Variants in LDLRAD4 observed in about 807,000 individuals in gnomAD.
The protein encoded by LDLRAD4 is low density lipoprotein receptor class A domain containing 4, also known as low-density lipoprotein receptor class A domain-containing protein 4.
In LDLRAD4, 5 loss-of-function variants were observed where a neutral mutation model predicts 17.0. The observed-to-expected ratio is 0.29, with a 90% confidence interval of 0.15 to 0.62. The LOEUF (loss-of-function observed/expected upper bound fraction) is 0.62, where lower values mean the gene tolerates loss of function less well. LDLRAD4 is among the 20% of genes least tolerant of loss of function. The pLI, the probability that LDLRAD4 is intolerant of heterozygous loss-of-function variation, is 0.84. For synonymous variants in LDLRAD4, 168 were observed against 171.8 expected, an observed-to-expected ratio of 0.98 and a Z score of 0.17; for missense variants, 340 against 424.7, an observed-to-expected ratio of 0.80 and a Z score of 1.75.
intron 1 of LDLRAD4, among the ~76,000 whole-genome samples, chr18:13,285,336 G>A (rs1268880185): frequency 1.3e-5 from 2 of 152,178 alleles, no homozygotes; most frequent in African/African-American, 2.4e-5. Context: ...CATTTGGCTT[G>A]GGGCAGTCAC....
Position 13,645,409 on chromosome 18 carries a change from A to G in LDLRAD4, c.673A>G (p.Ser225Gly), listed in dbSNP as rs2042967904. Reference sequence around the variant, plus strand: ...TGATTTAATAGACATTGCTATGTATAGCGGGGGTCCATGCCCACCCAGCAG... The same window carrying G: ...TGATTTAATAGACATTGCTATGTATGGCGGGGGTCCATGCCCACCCAGCAG... Residue 225 changes from serine to glycine, a missense_variant, in exon 6 of 6, where the codon AGC (serine) becomes GGC (glycine). Physicochemically the swap from Ser to Gly is moderately conservative, Grantham distance 56 (BLOSUM62 0). Transcript: ENST00000359446. The surrounding 1 kb of genome is among the most constrained non-coding windows in gnomAD (Gnocchi z 5.7). 3.7e-6 allele frequency: 6 copies of G among 1,614,214 alleles called. No individual in the cohort carries two copies. In the South Asian group the frequency reaches 5.5e-5, roughly 15 times the overall value.
At chr18:13,234,425 TCCCTG>T (rs2042235454) in intron 1 of LDLRAD4, among the ~76,000 whole-genome samples, 2 of 128,226 alleles carry the variant, frequency 1.6e-5, no homozygotes, top group African/African-American at 5.8e-5. Context: ...CGTCTTCTTG[TCCCTG>T]TCCTGGCCCA....
intron 2 of LDLRAD4, among the ~76,000 whole-genome samples, chr18:13,406,385 A>G (rs1158345241): frequency 6.6e-6 from 1 of 152,150 alleles, no homozygotes; most frequent in Non-Finnish European, 1.5e-5. Flanking sequence ...TGGGACCTCT[A>G]TATGTCAGGA....
chr18:13,606,224 G>A (rs896453203), intron 3 of LDLRAD4, among the ~76,000 whole-genome samples: 3 of 152,132 alleles, frequency 2.0e-5, no homozygotes, highest in African/African-American at 7.2e-5. Flanking sequence ...GGCTTGGAAG[G>A]GTAGCTGCAA....
intron 1 of LDLRAD4, among the ~76,000 whole-genome samples, chr18:13,323,847 T>G (rs760584092): frequency 6.6e-6 from 1 of 152,076 alleles, no homozygotes; most frequent in Non-Finnish European, 1.5e-5. Flanking sequence ...AGAGTTATCA[T>G]CTGAGGTCAG....
At chr18:13,356,616 T>C (rs191668029) in intron 1 of LDLRAD4, among the ~76,000 whole-genome samples, 72 of 152,300 alleles carry the variant, frequency 4.7e-4, no homozygotes, top group Admixed American at 1.3e-3. Flanking sequence ...GTTTAGTGAA[T>C]TATTTTAGAC....
chr18:13,379,603 G>T (rs1205494013), intron 1 of LDLRAD4, among the ~76,000 whole-genome samples: 1 of 152,172 alleles, frequency 6.6e-6, no homozygotes, highest in Non-Finnish European at 1.5e-5. Context: ...CCAGAGTAAT[G>T]ACCCCACAAA....
intron 1 of LDLRAD4, among the ~76,000 whole-genome samples, chr18:13,340,113 G>C (rs7244281): frequency 0.03 from 4,545 of 152,148 alleles, 250 homozygotes; most frequent in African/African-American, 0.1. Flanking sequence ...TCCTTTTTAA[G>C]GCTGAATGAA....
At chr18:13,264,603 C>G (rs1258209176) in intron 1 of LDLRAD4, among the ~76,000 whole-genome samples, 1 of 152,224 alleles carries the variant, frequency 6.6e-6, no homozygotes, top group Non-Finnish European at 1.5e-5. Flanking sequence ...TAGATGTTGT[C>G]CTGTGCTTCC....
intron 2 of LDLRAD4, among the ~76,000 whole-genome samples, chr18:13,395,935 C>T (rs927750678): frequency 4.6e-5 from 7 of 152,198 alleles, no homozygotes; most frequent in Non-Finnish European, 7.4e-5. Flanking sequence ...GGCTGATAAT[C>T]GCCTCTCTTC....
In LDLRAD4 at chr18:13,580,502, C is replaced by T. The variant is rs528635457; in HGVS notation, c.182-40615C>T. ...GGTTCTCCTGATGCTTGATGAGTGT[C>T]GGCTGCTGCTGGGAGGATGTTCTTG... On this transcript the variant is annotated intron_variant, in intron 3 of 5. Transcript: ENST00000359446. Among the ~76,000 whole-genome samples the T allele has an allele frequency of 6.6e-5, 10 of 152,350 alleles. No individual in the cohort carries two copies. In the East Asian group the frequency reaches 7.7e-4, roughly 12 times the overall value.
chr18:13,280,506 C>G (rs1599087323), intron 1 of LDLRAD4, among the ~76,000 whole-genome samples: 2 of 152,214 alleles, frequency 1.3e-5, no homozygotes, highest in Admixed American at 6.5e-5. Flanking sequence ...AGGTCCTGCT[C>G]TCTCTGTCCT....
chr18:13,231,305 C>T (rs551648697), intron 1 of LDLRAD4, among the ~76,000 whole-genome samples: 3 of 152,196 alleles, frequency 2.0e-5, no homozygotes, highest in African/African-American at 2.4e-5. Context: ...GGTGGGTGCA[C>T]GCAGACAGGC....
At chr18:13,242,633 G>A (rs937823658) in intron 1 of LDLRAD4, among the ~76,000 whole-genome samples, 1 of 152,018 alleles carries the variant, frequency 6.6e-6, no homozygotes, top group African/African-American at 2.4e-5. Flanking sequence ...ACTCTGCATT[G>A]TTATTTTTTA....
chr18:13,346,599 G>C (rs2082704115), intron 1 of LDLRAD4, among the ~76,000 whole-genome samples: 1 of 152,128 alleles, frequency 6.6e-6, no homozygotes, highest in South Asian at 2.1e-4. Context: ...AGGTCTGCTT[G>C]GTACAGAGCT....
intron 1 of LDLRAD4, among the ~76,000 whole-genome samples, chr18:13,376,840 G>C (rs1015866345): frequency 6.6e-6 from 1 of 152,176 alleles, no homozygotes; most frequent in Non-Finnish European, 1.5e-5. Flanking sequence ...GCACACGCAC[G>C]GGCCTTCGTT....
At chr18:13,410,936 A>G (rs1037593013) in intron 2 of LDLRAD4, among the ~76,000 whole-genome samples, 10 of 152,170 alleles carry the variant, frequency 6.6e-5, no homozygotes, top group Non-Finnish European at 1.3e-4. Flanking sequence ...CCACCAGAGA[A>G]GATGGCAGTT....
intron 2 of LDLRAD4, among the ~76,000 whole-genome samples, chr18:13,417,208 C>T (rs113509885): frequency 0.01 from 1,532 of 152,240 alleles, 32 homozygotes; most frequent in African/African-American, 0.034. Flanking sequence ...AGGGATACAC[C>T]CAGCCAAAGT....
intron 3 of LDLRAD4, among the ~76,000 whole-genome samples, chr18:13,502,359 T>C (rs929106537): frequency 6.6e-6 from 1 of 152,248 alleles, no homozygotes; most frequent in Non-Finnish European, 1.5e-5. Flanking sequence ...ATGCCTCTTT[T>C]CTAAAATGCT....
Sources: allele counts gnomAD v4.1 joint callset (sites outside exome capture counted in the v4.1 genomes callset), GRCh38; gene constraint gnomAD v4.1.1; non-coding constraint Gnocchi (gnomAD v3.1); transcripts MANE v1.5; gene names NCBI Gene and HGNC (gene_info 2026-07-23, HGNC 2026-07-21).